ADAMTSL3: variants seen among roughly 807,000 people sequenced by gnomAD.
ADAMTSL3 encodes ADAMTS like 3, also known as ADAMTS-like protein 3.
In ADAMTSL3, 128 loss-of-function variants were observed where a neutral mutation model predicts 201.7. That is an observed-to-expected ratio of 0.63 (90% CI 0.55 to 0.73). The LOEUF (loss-of-function observed/expected upper bound fraction) is 0.73. Among genes scored for constraint, ADAMTSL3 ranks in the 30% least tolerant of loss-of-function variants. The pLI is 0.00. For missense variants in ADAMTSL3, 1,990 were observed against 2,119.6 expected (o/e 0.94, Z 1.20); for synonymous variants, 738 against 748.4 (o/e 0.99, Z 0.23).
At chr15:84,022,816 G>T (rs1006498863) in intron 26 of ADAMTSL3, among the ~76,000 whole-genome samples, 1 of 152,070 alleles carries the variant, frequency 6.6e-6, no homozygotes, top group African/African-American at 2.4e-5. Flanking sequence ...CTTCCATGCT[G>T]GTCTTTTTTT....
intron 19 of ADAMTSL3, among the ~76,000 whole-genome samples, chr15:83,947,124 C>A (rs2066668956): frequency 6.6e-6 from 1 of 150,990 alleles, no homozygotes. Flanking sequence ...GACTCTGATA[C>A]CAAATTGCCA....
chr15:83,655,018 C>T (rs957104279), intron 1 of ADAMTSL3, among the ~76,000 whole-genome samples: 2 of 152,182 alleles, frequency 1.3e-5, no homozygotes, highest in African/African-American at 4.8e-5. Context: ...TTTCCAGTCT[C>T]GACTCATACT....
intron 4 of ADAMTSL3, among the ~76,000 whole-genome samples, chr15:83,781,417 G>T (rs1027182414): frequency 1.2e-4 from 18 of 152,180 alleles, no homozygotes; most frequent in African/African-American, 4.1e-4. Flanking sequence ...ATATGCAGAA[G>T]ATTGAAACTG....
chr15:83,841,978 C>T (rs1038917190), intron 7 of ADAMTSL3, among the ~76,000 whole-genome samples: 11 of 151,520 alleles, frequency 7.3e-5, no homozygotes, highest in Non-Finnish European at 1.0e-4. Flanking sequence ...GGCGGACGGA[C>T]GAGATCCTAG....
At chr15:83,789,969 G>T (rs1222162997) in intron 4 of ADAMTSL3, among the ~76,000 whole-genome samples, 1 of 151,928 alleles carries the variant, frequency 6.6e-6, no homozygotes, top group Admixed American at 6.6e-5. Context: ...TTGCTTCTAG[G>T]AATTCCCCAC....
intron 23 of ADAMTSL3, among the ~76,000 whole-genome samples, chr15:84,004,332 G>C (rs2067852933): frequency 6.6e-6 from 1 of 152,154 alleles, no homozygotes; most frequent in South Asian, 2.1e-4. Flanking sequence ...GATTTTTAAA[G>C]CTTCGCCAGA....
At position 84,004,246 on chromosome 15, in the gene ADAMTSL3, GAC is replaced by G. The variant is rs1357356794; in HGVS notation, c.3974-10293_3974-10292del. 4.6e-5 allele frequency among the ~76,000 whole-genome samples: 7 copies of G among 152,196 alleles called. No homozygotes were observed. The East Asian group carries it at 1.4e-3, about 29-fold the overall frequency. On this transcript the variant is annotated intron_variant, in intron 23 of 29. Transcript: ENST00000286744. ...TTTGGTTAATGTCAGTTCAGGCCTG[GAC>G]ACCACAACATCTCCCCAGCCCTGCC...
chr15:83,938,101 T>C (rs542955203), intron 17 of ADAMTSL3, among the ~76,000 whole-genome samples: 1 of 147,810 alleles, frequency 6.8e-6, no homozygotes, highest in African/African-American at 2.7e-5. Flanking sequence ...TAGTTTCTGA[T>C]TTATCAATTT....
intron 3 of ADAMTSL3, among the ~76,000 whole-genome samples, chr15:83,767,594 C>A (rs939913794): frequency 6.6e-6 from 1 of 152,140 alleles, no homozygotes; most frequent in African/African-American, 2.4e-5. Flanking sequence ...CATTAACCTT[C>A]AGAGCTGGGG....
In ADAMTSL3 at chr15:83,982,857, A is replaced by T. The variant is rs776912357; in HGVS notation, c.3229A>T (p.Asn1077Tyr). 1 of 1,614,028 alleles carries T rather than the reference A, an allele frequency of 6.2e-7. No individual in the cohort carries two copies. Among genetic ancestry groups the T allele is most frequent in the Admixed American group, 1.7e-5 (1 of 60,006 alleles). Residue 1077 changes from asparagine to tyrosine, a missense_variant, in exon 21 of 30, where the codon AAT becomes TAT. Transcript: ENST00000286744. ...AGSTNSWELK[N>Y]KQFEAAVKQG... is the part of the protein sequence containing the mutation. ...AAGCACCAACTCCTGGGAGTTGAAG[A>T]ATAAGCAGTTTGAAGCAGCAGTTAA...
intron 13 of ADAMTSL3, among the ~76,000 whole-genome samples, chr15:83,894,353 T>C (rs1040047514): frequency 6.6e-6 from 1 of 152,226 alleles, no homozygotes; most frequent in Non-Finnish European, 1.5e-5. Context: ...GAATTACGTA[T>C]TTCTTCACAT....
intron 6 of ADAMTSL3, among the ~76,000 whole-genome samples, chr15:83,836,745 A>G (rs2064276915): frequency 6.6e-6 from 1 of 152,188 alleles, no homozygotes; most frequent in South Asian, 2.1e-4. Context: ...TGTGAAGTAT[A>G]TATTGGTATT....
rs922033374 is a variant in ADAMTSL3 at position 83,781,608 on chromosome 15, C to A, written c.317+7958C>A. ...AAAAGCAAAAATTGAAAAATGACATCTAATTAAACTAGTAAGTTTCTGCAT... is the reference window on the plus strand; with the variant it reads ...AAAAGCAAAAATTGAAAAATGACATATAATTAAACTAGTAAGTTTCTGCAT... On this transcript the variant is annotated intron_variant, in intron 4 of 29. Coordinates refer to ENST00000286744, the MANE Select transcript of ADAMTSL3 (RefSeq NM_207517.3). Among the ~76,000 whole-genome samples, 6 of 152,204 alleles carry A rather than the reference C, an allele frequency of 3.9e-5. No individual in the cohort carries two copies. The Middle Eastern group carries it at 0.014, about 345-fold the overall frequency.
At chr15:83,844,193 C>G (rs968934693) in intron 7 of ADAMTSL3, among the ~76,000 whole-genome samples, 3 of 152,140 alleles carry the variant, frequency 2.0e-5, no homozygotes, top group Non-Finnish European at 4.4e-5. Context: ...TACAGTGATA[C>G]CTAAGGCCAA....
chr15:83,925,709 A>T (rs2066233307), intron 17 of ADAMTSL3, among the ~76,000 whole-genome samples: 1 of 152,242 alleles, frequency 6.6e-6, no homozygotes, highest in South Asian at 2.1e-4. Flanking sequence ...TCTTTAGAGA[A>T]ATAGCACTTG....
At chr15:83,985,685 T>C (rs1476420919) in intron 21 of ADAMTSL3, among the ~76,000 whole-genome samples, 1 of 152,150 alleles carries the variant, frequency 6.6e-6, no homozygotes. Context: ...CAGGCTGGAG[T>C]GCAGTGGTGG....
chr15:84,037,092 G>T, intron 29 of ADAMTSL3, 105 bp downstream of exon 29: 1 of 1,202,158 alleles, frequency 8.3e-7, no homozygotes, highest in Non-Finnish European at 1.2e-6. Context: ...TACCTCATCA[G>T]TGTCCCAACT....
chr15:83,811,961 TG>T (rs2141885466), intron 5 of ADAMTSL3, among the ~76,000 whole-genome samples: 1 of 152,262 alleles, frequency 6.6e-6, no homozygotes, highest in East Asian at 1.9e-4. Context: ...AAACCAGAGG[TG>T]CATAAATGCA....
chr15:83,714,290 G>A (rs1176953929), intron 3 of ADAMTSL3, among the ~76,000 whole-genome samples: 1 of 152,154 alleles, frequency 6.6e-6, no homozygotes, highest in Admixed American at 6.5e-5. Context: ...GTTGTGCTTG[G>A]TGGGACATCC....
Sources: gnomAD v4.1 joint callset for allele counts (sites outside exome capture counted in the v4.1 genomes callset) on GRCh38, gnomAD v4.1.1 for gene constraint, MANE v1.5 for transcripts, NCBI Gene and HGNC (gene_info 2026-07-23, HGNC 2026-07-21) for gene names.